Variants in CAMKMT observed in about 807,000 individuals in gnomAD.
The protein encoded by CAMKMT is calmodulin-lysine N-methyltransferase.
Under a neutral mutation model 48.0 loss-of-function variants are expected in CAMKMT, and 53 were observed. The observed-to-expected ratio is 1.10, with a 90% confidence interval of 0.89 to 1.39. The LOEUF (loss-of-function observed/expected upper bound fraction) is 1.39. Among genes scored for constraint, CAMKMT ranks in the 40% most tolerant of loss-of-function variants. The pLI, the probability that CAMKMT is intolerant of heterozygous loss-of-function variation, is 0.00. For missense variants in CAMKMT, 428 were observed against 402.7 expected (o/e 1.06, Z -0.54); for synonymous variants, 165 against 152.3 (o/e 1.08, Z -0.61).
At position 44,501,635 on chromosome 2, in the gene CAMKMT, A is replaced by G. The variant is rs147927704; in HGVS notation, c.376+111330A>G. On this transcript the variant is annotated intron_variant, in intron 3 of 10. Transcript: ENST00000378494. Reference sequence around the variant, plus strand: ...TGTCCTATTAAAAAATTAATTAATAAAGGGCTCGGACAAATTGAAACACTG... The same window carrying G: ...TGTCCTATTAAAAAATTAATTAATAGAGGGCTCGGACAAATTGAAACACTG... Among the ~76,000 whole-genome samples, 401 of 152,258 alleles carry G rather than the reference A, an allele frequency of 2.6e-3. 4 individuals are homozygous for G. The highest frequency in any genetic ancestry group is 9.2e-3 in the African/African-American group (382 of 41,540).
intron 3 of CAMKMT, among the ~76,000 whole-genome samples, chr2:44,503,707 G>C (rs698829): frequency 0.71 from 108,304 of 151,978 alleles, 38,747 homozygotes; most frequent in Admixed American, 0.78. Context: ...GTGTGACAGA[G>C]TTGTAGTTTC....
intron 8 of CAMKMT, among the ~76,000 whole-genome samples, chr2:44,752,496 T>C (rs1186370093): frequency 6.6e-6 from 1 of 152,158 alleles, no homozygotes; most frequent in Admixed American, 6.5e-5. Context: ...CTGCATGCCT[T>C]CGGCACAATA....
intron 3 of CAMKMT, among the ~76,000 whole-genome samples, chr2:44,659,948 A>G (rs547694803): frequency 2.6e-5 from 4 of 152,296 alleles, no homozygotes; most frequent in Admixed American, 1.3e-4. Context: ...CACTTTTAAA[A>G]ATTATTGAAG....
chr2:44,600,049 A>G (rs981514517), intron 3 of CAMKMT, among the ~76,000 whole-genome samples: 1 of 152,142 alleles, frequency 6.6e-6, no homozygotes, highest in African/African-American at 2.4e-5. Context: ...TACTTCATAA[A>G]AACCCATGTT....
chr2:44,378,859 A>G (rs1314400856), intron 2 of CAMKMT, among the ~76,000 whole-genome samples: 1 of 151,792 alleles, frequency 6.6e-6, no homozygotes, highest in Non-Finnish European at 1.5e-5. Context: ...TTTAGGACCC[A>G]CTCCACTCTC....
At chr2:44,390,401 C>A in intron 3 of CAMKMT, 96 bp downstream of exon 3, 1 of 833,602 alleles carries the variant, frequency 1.2e-6, no homozygotes, top group South Asian at 1.7e-5. Flanking sequence ...ATTATACTCA[C>A]TAAATGTATG....
chr2:44,581,825 C>T (rs1159921453), intron 3 of CAMKMT, among the ~76,000 whole-genome samples: 2 of 152,138 alleles, frequency 1.3e-5, no homozygotes, highest in Non-Finnish European at 1.5e-5. Context: ...ATGGTGAAAC[C>T]CCATCTCTAC....
At chr2:44,510,332 A>C (rs1170421528) in intron 3 of CAMKMT, among the ~76,000 whole-genome samples, 1 of 152,172 alleles carries the variant, frequency 6.6e-6, no homozygotes, top group African/African-American at 2.4e-5. Flanking sequence ...ATTTGAGTTC[A>C]TCTGATGTCT....
chr2:44,712,375 A>C (rs1677930390), intron 6 of CAMKMT, among the ~76,000 whole-genome samples: 1 of 152,144 alleles, frequency 6.6e-6, no homozygotes, highest in Non-Finnish European at 1.5e-5. Context: ...ACTGATAAAT[A>C]ATTGCTAATT....
chr2:44,747,124 T>C (rs61246491), intron 8 of CAMKMT, among the ~76,000 whole-genome samples: 4,893 of 152,208 alleles, frequency 0.032, 235 homozygotes, highest in African/African-American at 0.11. Flanking sequence ...GCCCGAGACT[T>C]TGGAAAGAAA....
At chr2:44,407,716 G>A (rs1053317860) in intron 3 of CAMKMT, among the ~76,000 whole-genome samples, 1 of 152,210 alleles carries the variant, frequency 6.6e-6, no homozygotes, top group Admixed American at 6.5e-5. Flanking sequence ...TTAGGACTTA[G>A]ATGGGCAGAC....
At chr2:44,448,781 TGTA>T (rs1667138293) in intron 3 of CAMKMT, among the ~76,000 whole-genome samples, 1 of 152,216 alleles carries the variant, frequency 6.6e-6, no homozygotes, top group African/African-American at 2.4e-5. Context: ...ATAAACAAAA[TGTA>T]GTATATTTAT....
chr2:44,419,382 T>G (rs1225144484), intron 3 of CAMKMT, among the ~76,000 whole-genome samples: 3 of 152,204 alleles, frequency 2.0e-5, no homozygotes, highest in African/African-American at 7.2e-5. Context: ...GATGGCAGCT[T>G]CCTGATCCCT....
intron 3 of CAMKMT, among the ~76,000 whole-genome samples, chr2:44,671,799 A>G (rs983539180): frequency 4.6e-5 from 7 of 152,078 alleles, no homozygotes; most frequent in African/African-American, 1.7e-4. Context: ...TGGCTAAAAG[A>G]GGGCATTGTA....
intron 8 of CAMKMT, among the ~76,000 whole-genome samples, chr2:44,751,540 T>C (rs1329239192): frequency 6.6e-6 from 1 of 152,246 alleles, no homozygotes; most frequent in African/African-American, 2.4e-5. Context: ...AAGGTACCTG[T>C]TAGCTAGTAC....
intron 3 of CAMKMT, among the ~76,000 whole-genome samples, chr2:44,496,423 A>C (rs1310949634): frequency 6.6e-6 from 1 of 152,220 alleles, no homozygotes; most frequent in East Asian, 1.9e-4. Context: ...TGTATTTGTA[A>C]GTAGAGCTCT....
At chr2:44,380,256 T>C (rs974247119) in intron 2 of CAMKMT, among the ~76,000 whole-genome samples, 32 of 152,072 alleles carry the variant, frequency 2.1e-4, no homozygotes, top group Admixed American at 2.0e-4. Context: ...GGTTTGGCCC[T>C]GGGGAGAAGA....
intron 3 of CAMKMT, among the ~76,000 whole-genome samples, chr2:44,702,601 G>T (rs919191382): frequency 6.6e-6 from 1 of 152,142 alleles, no homozygotes; most frequent in South Asian, 2.1e-4. Context: ...GGCAGAGCTG[G>T]CACTGGAGCC....
At chr2:44,382,004 C>T (rs1331062622) in intron 2 of CAMKMT, among the ~76,000 whole-genome samples, 2 of 145,596 alleles carry the variant, frequency 1.4e-5, no homozygotes, top group Admixed American at 1.4e-4. Context: ...TGCAATGGCA[C>T]GATCTCGGCT....
Sources: gnomAD v4.1 joint callset for allele counts (sites outside exome capture counted in the v4.1 genomes callset) on GRCh38, gnomAD v4.1.1 for gene constraint, MANE v1.5 for transcripts, NCBI Gene and HGNC (gene_info 2026-07-23, HGNC 2026-07-21) for gene names.